ELF2: variants seen among roughly 807,000 people sequenced by gnomAD.
ELF2 encodes E74 like ETS transcription factor 2.
Under a neutral mutation model 54.8 loss-of-function variants are expected in ELF2, and 11 were observed. The observed-to-expected ratio is 0.20, with a 90% CI of 0.13 to 0.33. The LOEUF (loss-of-function observed/expected upper bound fraction) is 0.33, where lower values mean the gene tolerates loss of function less well. ELF2 is among the 10% of genes least tolerant of loss of function. The probability of loss-of-function intolerance (pLI) is 1.00; values close to 1 mark genes in which losing one functional copy is unlikely to be tolerated. For missense variants in ELF2, 513 were observed against 703.0 expected (o/e 0.73, Z 3.06); for synonymous variants, 203 against 245.1 (o/e 0.83, Z 1.61).
chr4:139,072,622 CAGT>C (rs1172691111), intron 5 of ELF2, among the ~76,000 whole-genome samples: 1 of 152,176 alleles, frequency 6.6e-6, no homozygotes, highest in East Asian at 1.9e-4. Flanking sequence ...GTCACTAAAA[CAGT>C]AGGTACAAAT....
intron 3 of ELF2, among the ~76,000 whole-genome samples, chr4:139,132,995 C>G (rs1737699995): frequency 6.6e-6 from 1 of 151,590 alleles, no homozygotes. Context: ...CCAATCTCGG[C>G]TCACTGCAAG....
At chr4:139,076,720 A>G (rs1730363213) in intron 4 of ELF2, among the ~76,000 whole-genome samples, 1 of 152,148 alleles carries the variant, frequency 6.6e-6, no homozygotes, top group African/African-American at 2.4e-5. Context: ...TAACAGTTAC[A>G]TATTACGTGC....
At chr4:139,107,603 G>C (rs761999836) in intron 4 of ELF2, among the ~76,000 whole-genome samples, 2 of 152,048 alleles carry the variant, frequency 1.3e-5, no homozygotes, top group African/African-American at 4.8e-5. Flanking sequence ...AAGAGACAGA[G>C]AGGCATCTTT....
chr4:139,169,631 G>T (rs1389703161), intron 1 of ELF2, among the ~76,000 whole-genome samples: 3 of 152,112 alleles, frequency 2.0e-5, no homozygotes, highest in Non-Finnish European at 4.4e-5. Context: ...GCCCAGGTGG[G>T]AGGATCACGA....
At chr4:139,134,070 C>T (rs541588499) in intron 3 of ELF2, among the ~76,000 whole-genome samples, 21 of 152,264 alleles carry the variant, frequency 1.4e-4, no homozygotes, top group Non-Finnish European at 2.5e-4. Context: ...TTGCTCTCAA[C>T]CATTAAGTAT....
chr4:139,157,794 G>A (rs189969486), intron 1 of ELF2, among the ~76,000 whole-genome samples: 158 of 152,260 alleles, frequency 1.0e-3, no homozygotes, highest in African/African-American at 2.7e-3. Context: ...CAGGTTCCCA[G>A]GCATAACCTA....
At chr4:139,141,393 T>C (rs1485976512) in intron 1 of ELF2, among the ~76,000 whole-genome samples, 1 of 152,172 alleles carries the variant, frequency 6.6e-6, no homozygotes, top group African/African-American at 2.4e-5. Flanking sequence ...ACGAAGGACT[T>C]CATATGCACA....
At chr4:139,084,533 C>G in intron 4 of ELF2, 1 of 641,008 alleles carries the variant, frequency 1.6e-6, no homozygotes, top group Non-Finnish European at 2.0e-6. Context: ...AAGTCCCGGA[C>G]GCTTGCTCCA....
At chr4:139,119,541 G>A (rs1736101548) in intron 4 of ELF2, among the ~76,000 whole-genome samples, 1 of 152,112 alleles carries the variant, frequency 6.6e-6, no homozygotes, top group Admixed American at 6.5e-5. Flanking sequence ...CCCTGTTCAG[G>A]GCTCTATTCT....
At position 139,059,269 on chromosome 4, in the gene ELF2, A is replaced by G. The variant is rs756397412; in HGVS notation, c.1496T>C (p.Val499Ala). The part of the protein sequence containing the change: ...TPLAVRALTP[V>A]SIAHGTPVMR... Reference sequence around the variant, plus strand: ...TACAGGTGTACCATGGGCTATTGAAACAGGGGTAAGTGCTCTCACAGCCAA... The same window carrying G: ...TACAGGTGTACCATGGGCTATTGAAGCAGGGGTAAGTGCTCTCACAGCCAA... The change falls in exon 10 of 10, where the codon GTT becomes GCT. Residue 499 changes from valine (V) to alanine (A), a missense_variant. By Grantham distance (64) the Val-to-Ala change is moderately conservative. This residue lies in a region of ELF2 where 291 missense variants were observed against 366.1 expected (regional missense o/e 0.79). Coordinates refer to ENST00000686138, the MANE Select transcript of ELF2 (RefSeq NM_001331036.3). 3.1e-6 allele frequency: 5 copies of G among 1,613,804 alleles called. No individual in the cohort carries two copies. The African/African-American group carries it at 6.7e-5, about 22-fold the overall frequency.
At chr4:139,126,087 C>T (rs1736888777) in intron 3 of ELF2, among the ~76,000 whole-genome samples, 3 of 152,062 alleles carry the variant, frequency 2.0e-5, no homozygotes. Context: ...TCATATTCCA[C>T]ACACAGAGAA....
chr4:139,105,294 G>C (rs185028551), intron 4 of ELF2, among the ~76,000 whole-genome samples: 150 of 152,166 alleles, frequency 9.9e-4, no homozygotes, highest in Non-Finnish European at 1.9e-3. Flanking sequence ...TTGTCCACTA[G>C]ATTCTAAGTA....
At chr4:139,156,238 C>G (rs1330001117) in intron 1 of ELF2, among the ~76,000 whole-genome samples, 1 of 152,144 alleles carries the variant, frequency 6.6e-6, no homozygotes, top group East Asian at 1.9e-4. Context: ...TGCAGTGGCG[C>G]GATCTCAGCT....
chr4:139,128,524 CT>C lies in ELF2; in HGVS notation c.73-3196del, dbSNP rs572395535. ...GCTATTCTCTAAAAATATTTTTTTG[CT>C]TTTTTTTTTTTTTTGAGACAGGGTC... On this transcript the variant is annotated intron_variant, in intron 3 of 9. Transcript: ENST00000686138. 3.2e-3 allele frequency among the ~76,000 whole-genome samples: 452 copies of C among 139,790 alleles called. 1 individual carries two copies. Among genetic ancestry groups the C allele is most frequent in the Middle Eastern group, 7.3e-3 (2 of 274 alleles). 91.7% of individuals were successfully genotyped at this position (139,790 alleles called of 152,430 possible).
chr4:139,137,384 C>A, intron 3 of ELF2: 1 of 559,026 alleles, frequency 1.8e-6, no homozygotes, highest in South Asian at 2.3e-5. Context: ...CTATAGTGTT[C>A]TTTCCATTCC....
At chr4:139,168,118 G>A (rs564274005) in intron 1 of ELF2, among the ~76,000 whole-genome samples, 2 of 152,328 alleles carry the variant, frequency 1.3e-5, no homozygotes, top group African/African-American at 2.4e-5. Flanking sequence ...CTCTGCATTA[G>A]CTATTGGTTA....
At chr4:139,124,797 A>G (rs1314626803) in intron 4 of ELF2, among the ~76,000 whole-genome samples, 1 of 152,204 alleles carries the variant, frequency 6.6e-6, no homozygotes, top group Non-Finnish European at 1.5e-5. Flanking sequence ...AATCAATTAG[A>G]CAATGATAGA....
intron 1 of ELF2, among the ~76,000 whole-genome samples, chr4:139,149,203 T>C (rs2148880814): frequency 1.3e-5 from 2 of 152,348 alleles, no homozygotes; most frequent in South Asian, 4.1e-4. Flanking sequence ...AAATTTAAAA[T>C]AGTCTTCAGA....
chr4:139,062,759 A>G (rs1188574202), intron 7 of ELF2, among the ~76,000 whole-genome samples: 1 of 152,234 alleles, frequency 6.6e-6, no homozygotes, highest in African/African-American at 2.4e-5. Context: ...TATTGGATAC[A>G]CAAGCAAAAT....
Sources: gnomAD v4.1 joint callset for allele counts (sites outside exome capture counted in the v4.1 genomes callset) on GRCh38, gnomAD v4.1.1 for gene constraint, gnomAD v4.1.1 regional missense constraint, MANE v1.5 for transcripts, NCBI Gene and HGNC (gene_info 2026-07-23, HGNC 2026-07-21) for gene names.